The following ADAMTS12 variants were observed in gnomAD, a reference collection of about 807,000 sequenced individuals.
ADAMTS12 encodes the protein A disintegrin and metalloproteinase with thrombospondin motifs 12.
Under a neutral mutation model 167.8 loss-of-function variants are expected in ADAMTS12, and 118 were observed. The observed-to-expected ratio is 0.70, with a 90% CI of 0.61 to 0.82. ADAMTS12 has a LOEUF of 0.82. ADAMTS12 is among the 40% of genes least tolerant of loss of function. The pLI is 0.00. For synonymous variants in ADAMTS12, 704 were observed against 716.9 expected, an observed-to-expected ratio of 0.98 and a Z score of 0.29; for missense variants, 1,916 against 1,998.8, an observed-to-expected ratio of 0.96 and a Z score of 0.79.
chr5:33,760,989 C>T (rs898671097), intron 2 of ADAMTS12, among the ~76,000 whole-genome samples: 3 of 151,006 alleles, frequency 2.0e-5, no homozygotes, highest in Admixed American at 6.6e-5. Context: ...ATAAAATGTC[C>T]GACTAAAAGG....
intron 22 of ADAMTS12, among the ~76,000 whole-genome samples, chr5:33,545,174 A>T (rs993596314): frequency 6.6e-6 from 1 of 152,228 alleles, no homozygotes; most frequent in Non-Finnish European, 1.5e-5. Flanking sequence ...AAAACAAACA[A>T]GCAACCCCAT....
chr5:33,693,579 T>A (rs1023938578), intron 3 of ADAMTS12, among the ~76,000 whole-genome samples: 2 of 152,144 alleles, frequency 1.3e-5, no homozygotes, highest in Non-Finnish European at 2.9e-5. Context: ...CATGATCAAC[T>A]CCATAGATGC....
rs1744611272 is a variant in ADAMTS12, at chr5:33,742,088, T to C, written c.634+9316A>G. Among the ~76,000 whole-genome samples, 5 of 152,236 alleles carry C rather than the reference T, an allele frequency of 3.3e-5. No individual in the cohort carries two copies. In the South Asian group the frequency reaches 1.0e-3, roughly 32 times the overall value. On this transcript the variant is annotated intron_variant, in intron 3 of 23. Coordinates refer to ENST00000504830, the MANE Select transcript of ADAMTS12 (RefSeq NM_030955.4). ...TGAGGGCAGGGTCTAATTTGACAGG[T>C]TCAGAGCTGTGTCCCTTAGTATCTG...
At chr5:33,720,389 C>A (rs1039598303) in intron 3 of ADAMTS12, among the ~76,000 whole-genome samples, 5 of 151,610 alleles carry the variant, frequency 3.3e-5, no homozygotes, top group Admixed American at 6.6e-5. Context: ...AATAAGCATT[C>A]CAAGTTCATT....
intron 13 of ADAMTS12, among the ~76,000 whole-genome samples, chr5:33,625,604 A>G (rs2112125813): frequency 6.6e-6 from 1 of 152,360 alleles, no homozygotes; most frequent in African/African-American, 2.4e-5. Flanking sequence ...AATAAAGGAA[A>G]GAAAGTCAGA....
At chr5:33,816,146 G>A (rs1747643785) in intron 2 of ADAMTS12, among the ~76,000 whole-genome samples, 1 of 151,822 alleles carries the variant, frequency 6.6e-6, no homozygotes, top group Non-Finnish European at 1.5e-5. Context: ...TCTGTCTTCT[G>A]ATTATATTTT....
intron 3 of ADAMTS12, among the ~76,000 whole-genome samples, chr5:33,713,858 A>G (rs12519205): frequency 0.61 from 92,258 of 151,392 alleles, 29,250 homozygotes; most frequent in Non-Finnish European, 0.69. Context: ...TCTATTTGGG[A>G]GACATTAAAA....
At chr5:33,721,707 G>T (rs945652112) in intron 3 of ADAMTS12, among the ~76,000 whole-genome samples, 1 of 152,242 alleles carries the variant, frequency 6.6e-6, no homozygotes, top group Non-Finnish European at 1.5e-5. Context: ...CCTGCATCCT[G>T]AGTTGGAGTT....
At chr5:33,568,434 T>C (rs1301937164) in intron 19 of ADAMTS12, among the ~76,000 whole-genome samples, 1 of 152,238 alleles carries the variant, frequency 6.6e-6, no homozygotes, top group African/African-American at 2.4e-5. Context: ...TTACTTTATA[T>C]AAAAGAATTT....
intron 3 of ADAMTS12, among the ~76,000 whole-genome samples, chr5:33,729,062 CAAT>C (rs1744084770): frequency 1.3e-5 from 2 of 152,066 alleles, no homozygotes; most frequent in South Asian, 4.1e-4. Context: ...GAAATATTAA[CAAT>C]ATTAGCTTGG....
At chr5:33,826,181 T>C (rs1748061260) in intron 2 of ADAMTS12, among the ~76,000 whole-genome samples, 1 of 152,168 alleles carries the variant, frequency 6.6e-6, no homozygotes. Flanking sequence ...AAGAAATAAA[T>C]TGTTTTCTCT....
chr5:33,563,741 A>G (rs1745861690), intron 19 of ADAMTS12, among the ~76,000 whole-genome samples: 1 of 152,230 alleles, frequency 6.6e-6, no homozygotes, highest in Non-Finnish European at 1.5e-5. Context: ...AGCCATACCC[A>G]TGCACACTGC....
intron 20 of ADAMTS12, among the ~76,000 whole-genome samples, chr5:33,557,629 CA>C (rs927151267): frequency 3.3e-5 from 5 of 150,300 alleles, no homozygotes; most frequent in African/African-American, 4.9e-5. Context: ...GACCCCATCT[CA>C]AAAAAAAATT....
chr5:33,526,450 G>A lies in ADAMTS12; in HGVS notation c.*738C>T, dbSNP rs1174418229. ...TGATTTCTGCTCATTTGCATTTTAC[G>A]AGTTTTCATAGAAATGCTCTTCAAA... On this transcript the variant is annotated 3_prime_UTR_variant, in exon 24 of 24. Transcript: ENST00000504830. 6.6e-6 allele frequency: 1 copy of A among 152,110 alleles called. No homozygotes were observed. Among genetic ancestry groups the A allele is most frequent in the Non-Finnish European group, 1.5e-5 (1 of 68,018 alleles). 9.4% of individuals were successfully genotyped at this position (152,110 alleles called of 1,614,324 possible). A position where few individuals can be genotyped will look rare whatever the true frequency, so the allele number is the denominator to read the frequency against.
At chr5:33,657,542 T>C (rs1196921264) in intron 7 of ADAMTS12, among the ~76,000 whole-genome samples, 1 of 152,244 alleles carries the variant, frequency 6.6e-6, no homozygotes, top group Non-Finnish European at 1.5e-5. Context: ...ATATCTTCAC[T>C]CAAGCATTCT....
At chr5:33,798,869 A>AT (rs754031712) in intron 2 of ADAMTS12, among the ~76,000 whole-genome samples, 1 of 152,150 alleles carries the variant, frequency 6.6e-6, no homozygotes, top group Non-Finnish European at 1.5e-5. Context: ...CAGCCTATGA[A>AT]TTCTGGGGGA....
chr5:33,798,527 G>A (rs1192068696), intron 2 of ADAMTS12, among the ~76,000 whole-genome samples: 7 of 135,640 alleles, frequency 5.2e-5, no homozygotes, highest in East Asian at 4.8e-4. Flanking sequence ...TGCAATCTCC[G>A]CCTCCCGGGT....
At chr5:33,888,550 C>A (rs1750724315) in intron 1 of ADAMTS12, among the ~76,000 whole-genome samples, 1 of 152,092 alleles carries the variant, frequency 6.6e-6, no homozygotes, top group Non-Finnish European at 1.5e-5. Flanking sequence ...TAATAGAATA[C>A]ATAAATAATT....
chr5:33,712,508 G>A (rs1743438851), intron 3 of ADAMTS12, among the ~76,000 whole-genome samples: 1 of 152,102 alleles, frequency 6.6e-6, no homozygotes, highest in Non-Finnish European at 1.5e-5. Flanking sequence ...TTGCAGGGGT[G>A]GATACGTTGG....
Sources: allele counts gnomAD v4.1 joint callset (sites outside exome capture counted in the v4.1 genomes callset), GRCh38; gene constraint gnomAD v4.1.1; transcripts MANE v1.5; gene names NCBI Gene and HGNC (gene_info 2026-07-23, HGNC 2026-07-21).